The following AKR1D1 variants were observed in gnomAD, a reference collection of about 807,000 sequenced individuals.
AKR1D1 encodes the protein delta(4)-3-ketosteroid 5-beta-reductase.
A neutral mutation model predicts 42.6 loss-of-function variants in AKR1D1; 32 were observed. The observed-to-expected ratio is 0.75, with a 90% CI of 0.57 to 1.01. AKR1D1 has a LOEUF of 1.01. AKR1D1 is among the 50% of genes least tolerant of loss of function. The pLI is 0.00. For synonymous variants in AKR1D1, 123 were observed against 135.5 expected, an observed-to-expected ratio of 0.91 and a Z score of 0.64; for missense variants, 364 against 402.2, an observed-to-expected ratio of 0.91 and a Z score of 0.81.
At chr7:138,103,352 T>C (rs1794354529) in intron 4 of AKR1D1, among the ~76,000 whole-genome samples, 1 of 152,168 alleles carries the variant, frequency 6.6e-6, no homozygotes, top group Non-Finnish European at 1.5e-5. Flanking sequence ...AATTAAAGTT[T>C]ATATATATAC....
chr7:138,101,301 T>C (rs150714497), intron 4 of AKR1D1, among the ~76,000 whole-genome samples: 15,977 of 151,092 alleles, frequency 0.11, 1,025 homozygotes, highest in South Asian at 0.21. Flanking sequence ...TCGGGTTCAA[T>C]CGATTCTCCT....
intron 7 of AKR1D1, among the ~76,000 whole-genome samples, chr7:138,109,107 T>C (rs1287132573): frequency 6.6e-6 from 1 of 152,202 alleles, no homozygotes; most frequent in Non-Finnish European, 1.5e-5. Context: ...TAAAACAAGC[T>C]ATGACATATT....
rs1368359688 is a variant in AKR1D1, at chr7:138,116,852, A to G, written c.*190A>G. ...GTCACATTGAAGTAAAAATATTAAAATCTGTTGAAATAACTCTTAGGAAAT... is the reference window on the plus strand; with the variant it reads ...GTCACATTGAAGTAAAAATATTAAAGTCTGTTGAAATAACTCTTAGGAAAT... On this transcript the variant is annotated 3_prime_UTR_variant, in exon 9 of 9. Coordinates refer to ENST00000242375, the MANE Select transcript of AKR1D1 (RefSeq NM_005989.4). 7.2e-6 allele frequency: 4 copies of G among 556,780 alleles called. No homozygotes were observed. In the East Asian group the frequency reaches 8.6e-5, roughly 12 times the overall value. The allele number at this position is 556,780 out of a possible 1,614,324, so 34.5% of individuals were successfully genotyped here.
chr7:138,094,421 G>A (rs1201527753), intron 3 of AKR1D1, among the ~76,000 whole-genome samples: 1 of 152,160 alleles, frequency 6.6e-6, no homozygotes, highest in Non-Finnish European at 1.5e-5. Flanking sequence ...AGACTAAGGT[G>A]GGAGGATCAC....
In AKR1D1 at chr7:138,077,603, A is replaced by G. The variant is rs1304638168; in HGVS notation, c.93+992A>G. Among the ~76,000 whole-genome samples the G allele has an allele frequency of 2.0e-5, 3 of 152,212 alleles. No homozygotes were observed. The East Asian group carries it at 5.8e-4, about 29-fold the overall frequency. On this transcript the variant is annotated intron_variant, in intron 1 of 8. Coordinates refer to ENST00000242375, the MANE Select transcript of AKR1D1 (RefSeq NM_005989.4). ...AAATGGGCTTCCTTTAAAACATAGT[A>G]AAGTTTCAGCTTATGAGAATATCTG...
intron 1 of AKR1D1, among the ~76,000 whole-genome samples, chr7:138,081,396 TG>T (rs1259534128): frequency 6.6e-6 from 1 of 152,004 alleles, no homozygotes; most frequent in Non-Finnish European, 1.5e-5. Flanking sequence ...CCACCTCCAT[TG>T]CATGGTGTCT....
chr7:138,082,593 T>C (rs1803081075), intron 1 of AKR1D1, among the ~76,000 whole-genome samples: 1 of 152,156 alleles, frequency 6.6e-6, no homozygotes, highest in Non-Finnish European at 1.5e-5. Context: ...GGTCTTACTA[T>C]ATTGCCCAGG....
intron 7 of AKR1D1, among the ~76,000 whole-genome samples, chr7:138,111,611 T>C (rs904525730): frequency 3.3e-5 from 5 of 152,172 alleles, no homozygotes; most frequent in African/African-American, 4.8e-5. Context: ...GAGATCCTCA[T>C]TCACTTAGGA....
chr7:138,094,687 T>C (rs1794151385), intron 3 of AKR1D1, among the ~76,000 whole-genome samples: 2 of 152,098 alleles, frequency 1.3e-5, no homozygotes, highest in Admixed American at 6.5e-5. Flanking sequence ...ACCTAATTTT[T>C]CAATTTTTCT....
intron 4 of AKR1D1, among the ~76,000 whole-genome samples, chr7:138,099,928 T>G (rs1794257210): frequency 6.8e-6 from 1 of 148,128 alleles, no homozygotes; most frequent in Non-Finnish European, 1.5e-5. Context: ...AGAGGAAAGA[T>G]GAGGAATATC....
intron 3 of AKR1D1, among the ~76,000 whole-genome samples, chr7:138,096,882 A>G (rs551752511): frequency 1.3e-3 from 204 of 152,268 alleles, no homozygotes; most frequent in Non-Finnish European, 2.3e-3. Flanking sequence ...ATTTAATACC[A>G]TTTTACATGC....
intron 4 of AKR1D1, chr7:138,098,175 G>A: frequency 1.3e-5 from 6 of 476,068 alleles, no homozygotes; most frequent in East Asian, 3.4e-5. Flanking sequence ...AGGGGTGGAA[G>A]GAAAAACAGT....
chr7:138,105,308 C>A lies in AKR1D1; in HGVS notation c.458C>A (p.Ala153Glu), dbSNP rs1224711771. ...GACCTGTGGACATTTACTCTACAGGCGATGGAAGCTTGCAAAGACGCTGGC... is the reference window on the plus strand; with the variant it reads ...GACCTGTGGACATTTACTCTACAGGAGATGGAAGCTTGCAAAGACGCTGGC... ...HKSNLCATWEAMEACKDAGLV... is the reference protein window; with the variant it reads ...HKSNLCATWEEMEACKDAGLV... Residue 153 changes from alanine (A) to glutamate (E), a missense_variant and splice_region_variant, in exon 5 of 9, where the codon GCG becomes GAG. Coordinates refer to ENST00000242375, the MANE Select transcript of AKR1D1 (RefSeq NM_005989.4). 3.7e-6 allele frequency: 6 copies of A among 1,613,968 alleles called. No individual in the cohort carries two copies. The African/African-American group carries it at 4.0e-5, about 11-fold the overall frequency.
rs35802315 is a variant in AKR1D1, at chr7:138,088,841, C to CGTGTGT, written c.261+84_261+89dup. 4.6e-3 allele frequency: 5,695 copies of CGTGTGT among 1,225,464 alleles called. 48 individuals carry two copies. The highest frequency in any genetic ancestry group is 0.036 in the African/African-American group (2,373 of 65,118). 75.9% of individuals were successfully genotyped at this position (1,225,464 alleles called of 1,614,324 possible). On this transcript the variant is annotated intron_variant, in intron 2 of 8. Transcript: ENST00000242375. ...GTTGTTCATTTTATTATTCATCTTC[C>CGTGTGT]GTGTGTGTGTGTGTGTAATTGCACT...
Position 138,107,457 on chromosome 7 carries a change from A to C in AKR1D1, c.732A>C (p.Leu244=), listed in dbSNP as rs372124349. 2 of 1,614,022 alleles carry C rather than the reference A, an allele frequency of 1.2e-6. No individual in the cohort carries two copies. The highest frequency in any genetic ancestry group is 2.7e-5 in the African/African-American group (2 of 74,930). Residue 244 remains leucine, a synonymous_variant, in exon 7 of 9, where the codon CTA becomes CTC. Coordinates refer to ENST00000242375, the MANE Select transcript of AKR1D1 (RefSeq NM_005989.4). Reference sequence around the variant, plus strand: ...CACCTTTGTTAAAGGATGCACTTCTAAACTCATTGGGGAAAAGGTACAATA... The same window carrying C: ...CACCTTTGTTAAAGGATGCACTTCTCAACTCATTGGGGAAAAGGTACAATA... ...SSPPLLKDAL[L]NSLGKRYNKT...
At chr7:138,094,814 C>A (rs1794153763) in intron 3 of AKR1D1, among the ~76,000 whole-genome samples, 1 of 152,228 alleles carries the variant, frequency 6.6e-6, no homozygotes. Context: ...GCCACCATAC[C>A]TGACTTCACA....
chr7:138,082,241 T>C (rs1803074033), intron 1 of AKR1D1, among the ~76,000 whole-genome samples: 1 of 152,232 alleles, frequency 6.6e-6, no homozygotes, highest in Non-Finnish European at 1.5e-5. Context: ...TTTGTTTGCT[T>C]GTTTGTTTTG....
intron 1 of AKR1D1, among the ~76,000 whole-genome samples, chr7:138,087,961 A>C (rs560725511): frequency 6.7e-6 from 1 of 148,918 alleles, no homozygotes; most frequent in East Asian, 2.0e-4. Context: ...CATGATCATG[A>C]CTCACTGCAG....
intron 7 of AKR1D1, among the ~76,000 whole-genome samples, chr7:138,109,954 C>G (rs1794505351): frequency 6.6e-6 from 1 of 151,904 alleles, no homozygotes. Flanking sequence ...TTCATTGTAA[C>G]TAATTATGTT....
Sources: gnomAD v4.1 joint callset for allele counts (sites outside exome capture counted in the v4.1 genomes callset) on GRCh38, gnomAD v4.1.1 for gene constraint, MANE v1.5 for transcripts, NCBI Gene and HGNC (gene_info 2026-07-23, HGNC 2026-07-21) for gene names.